Variants in PCDHGB2 observed in about 807,000 individuals in gnomAD.
PCDHGB2 encodes protocadherin gamma-B2.
PCDHGB2 carries 55 observed loss-of-function variants against 59.3 expected under a neutral mutation model. The ratio of observed to expected loss-of-function variants is 0.93; its 90% CI spans 0.75 to 1.16. PCDHGB2 has a LOEUF of 1.16. Among genes scored for constraint, PCDHGB2 ranks in the 50% most tolerant of loss-of-function variants. PCDHGB2 has a pLI of 0.00. For missense variants in PCDHGB2, 1,228 were observed against 1,198.5 expected, an observed-to-expected ratio of 1.02 and a Z score of -0.36; for synonymous variants, 516 against 512.0, an observed-to-expected ratio of 1.01 and a Z score of -0.11.
intron 1 of PCDHGB2, chr5:141,426,927 A>G (rs1480193041): frequency 2.2e-6 from 1 of 456,634 alleles, no homozygotes; most frequent in African/African-American, 2.0e-5. Flanking sequence ...AGCAATGGAC[A>G]TGGGTGACCC....
chr5:141,483,716 G>C (rs772661472), intron 1 of PCDHGB2, among the ~76,000 whole-genome samples: 1 of 151,974 alleles, frequency 6.6e-6, no homozygotes, highest in Non-Finnish European at 1.5e-5. Context: ...CCAGAATATT[G>C]GTTCCCACCA....
chr5:141,460,027 G>A (rs1002703325), intron 1 of PCDHGB2, among the ~76,000 whole-genome samples: 3 of 152,088 alleles, frequency 2.0e-5, no homozygotes, highest in East Asian at 1.9e-4. Flanking sequence ...GCAGTGAGCC[G>A]AGACTGCACC....
intron 1 of PCDHGB2, chr5:141,384,638 G>A: frequency 1.2e-6 from 2 of 1,614,188 alleles, no homozygotes; most frequent in Non-Finnish European, 8.5e-7. Flanking sequence ...CTGGCACCCC[G>A]CTCCGCAGAG....
intron 1 of PCDHGB2, among the ~76,000 whole-genome samples, chr5:141,482,899 T>C (rs1238389686): frequency 1.3e-5 from 2 of 152,076 alleles, no homozygotes; most frequent in Non-Finnish European, 2.9e-5. Context: ...TGGTGAAACC[T>C]CATCTCTATT....
intron 1 of PCDHGB2, 57 bp downstream of exon 1, chr5:141,362,613 T>G: frequency 6.4e-7 from 1 of 1,552,174 alleles, no homozygotes; most frequent in East Asian, 2.3e-5. Context: ...CTAATTTGGG[T>G]AGGAAGTTCC....
rs141295392 is a variant in PCDHGB2 at position 141,393,658 on chromosome 5, G to A, written c.2421+31102G>A. 3.0e-5 allele frequency: 49 copies of A among 1,613,798 alleles called. No homozygotes were observed. The Middle Eastern group carries it at 6.6e-4, about 22-fold the overall frequency. ...AACGGAAAAGTGGCATACAAATTCC[G>A]GAAAATTAATGAAAAACAAACTCCG... On this transcript the variant is annotated intron_variant, in intron 1 of 3. Transcript: ENST00000522605.
At chr5:141,414,557 A>T (rs749209012) in intron 1 of PCDHGB2, 25 of 1,613,906 alleles carry the variant, frequency 1.5e-5, no homozygotes, top group Non-Finnish European at 2.0e-5. Flanking sequence ...CAAGTCTCCT[A>T]CTTTACCTAT....
At chr5:141,413,244 C>T in intron 1 of PCDHGB2, 3 of 1,613,984 alleles carry the variant, frequency 1.9e-6, no homozygotes, top group Non-Finnish European at 2.5e-6. Flanking sequence ...TCTGCCTTTT[C>T]TTCGGGATTC....
intron 1 of PCDHGB2, chr5:141,430,744 C>T: frequency 6.7e-7 from 1 of 1,498,404 alleles, no homozygotes; most frequent in Non-Finnish European, 8.9e-7. Flanking sequence ...GAAAATAATT[C>T]TGGAGGAAGA....
At chr5:141,401,159 T>G (rs2094122338) in intron 1 of PCDHGB2, among the ~76,000 whole-genome samples, 1 of 152,076 alleles carries the variant, frequency 6.6e-6, no homozygotes, top group Admixed American at 6.6e-5. Context: ...CTGGGCAATA[T>G]GGTGAAAACC....
chr5:141,493,289 C>T lies in PCDHGB2; in HGVS notation c.2422-1518C>T, dbSNP rs925045650. 2.6e-5 allele frequency among the ~76,000 whole-genome samples: 4 copies of T among 152,176 alleles called. No individual in the cohort carries two copies. Among genetic ancestry groups the T allele is most frequent in the Non-Finnish European group, 5.9e-5 (4 of 68,030 alleles). On this transcript the variant is annotated intron_variant, in intron 1 of 3. Coordinates refer to ENST00000522605, the MANE Select transcript of PCDHGB2 (RefSeq NM_018923.3). The surrounding 1 kb of genome is among the most constrained non-coding windows in gnomAD (Gnocchi z 4.3). ...CTTCACAGAGGTCAAGTGACTTGCT[C>T]AAGTTCACAGAGCAAGTAAGAGAGA...
At chr5:141,458,988 C>T (rs996478276) in intron 1 of PCDHGB2, among the ~76,000 whole-genome samples, 1 of 152,208 alleles carries the variant, frequency 6.6e-6, no homozygotes, top group South Asian at 2.1e-4. Context: ...CTGCCTCACC[C>T]TCCCAAAGTG....
intron 1 of PCDHGB2, chr5:141,366,082 T>C (rs1228073481): frequency 1.2e-6 from 2 of 1,614,246 alleles, no homozygotes; most frequent in East Asian, 2.2e-5. Context: ...CCGCAGAACC[T>C]GGCTACCTGG....
intron 2 of PCDHGB2, among the ~76,000 whole-genome samples, chr5:141,503,458 G>A (rs948221006): frequency 2.0e-5 from 3 of 152,018 alleles, no homozygotes; most frequent in Non-Finnish European, 4.4e-5. Flanking sequence ...CGCTGGGCAT[G>A]GTGGCATGTG....
At chr5:141,484,300 C>G (rs927710366) in intron 1 of PCDHGB2, among the ~76,000 whole-genome samples, 1 of 152,190 alleles carries the variant, frequency 6.6e-6, no homozygotes, top group Non-Finnish European at 1.5e-5. Context: ...CTCCTGGCTT[C>G]CTCCACCCCG....
chr5:141,509,024 C>T (rs2099873840), intron 3 of PCDHGB2, among the ~76,000 whole-genome samples: 1 of 152,108 alleles, frequency 6.6e-6, no homozygotes, highest in African/African-American at 2.4e-5. Flanking sequence ...GCTGCTCCCT[C>T]CCACTCAACC....
rs1314264090 is a variant in PCDHGB2, at chr5:141,490,459, C to T, written c.2422-4348C>T. 7 of 1,614,100 alleles carry T rather than the reference C, an allele frequency of 4.3e-6. No homozygotes were observed. Among genetic ancestry groups the T allele is most frequent in the Non-Finnish European group, 5.9e-6 (7 of 1,180,040 alleles). ...GCCTTCTGAGAACCACTACTCGCTG[C>T]TAACCAGCCAGCCTTTGGACCGGGA... On this transcript the variant is annotated intron_variant, in intron 1 of 3. Coordinates refer to ENST00000522605, the MANE Select transcript of PCDHGB2 (RefSeq NM_018923.3). The surrounding 1 kb of genome is among the most constrained non-coding windows in gnomAD (Gnocchi z 5.4).
At chr5:141,400,789 CTT>C in intron 1 of PCDHGB2, 1 of 561,962 alleles carries the variant, frequency 1.8e-6, no homozygotes, top group Non-Finnish European at 3.1e-6. Flanking sequence ...TTTTTGTCCT[CTT>C]TCTCAAAGCT....
intron 1 of PCDHGB2, among the ~76,000 whole-genome samples, chr5:141,396,846 C>T (rs2093443938): frequency 6.6e-6 from 1 of 152,166 alleles, no homozygotes; most frequent in Admixed American, 6.5e-5. Flanking sequence ...TGGGAGTTAA[C>T]TTCATAGTTT....
Sources: allele counts gnomAD v4.1 joint callset (sites outside exome capture counted in the v4.1 genomes callset), GRCh38; gene constraint gnomAD v4.1.1; non-coding constraint Gnocchi (gnomAD v3.1); transcripts MANE v1.5; gene names NCBI Gene and HGNC (gene_info 2026-07-23, HGNC 2026-07-21).